Variants in NADK observed in about 807,000 individuals in gnomAD.
The protein encoded by NADK is poly(P)/ATP NAD kinase.
NADK carries 22 observed loss-of-function variants against 49.8 expected under a neutral mutation model. That is an observed-to-expected ratio of 0.44 (90% CI 0.32 to 0.63). The LOEUF is 0.63. Ranked by LOEUF, NADK falls within the 30% of genes least tolerant of loss-of-function variation. NADK has a pLI of 0.06. For missense variants in NADK, 438 were observed against 609.4 expected, an observed-to-expected ratio of 0.72 and a Z score of 2.96; for synonymous variants, 268 against 253.7, an observed-to-expected ratio of 1.06 and a Z score of -0.54.
chr1:1,752,690 C>A lies in NADK; in HGVS notation c.*214G>T. ...TCAGCAGGACAGAAGCACTCCCAGC[C>A]CATTTCTCACGCTTCTTTAGAAATG... On this transcript the variant is annotated 3_prime_UTR_variant, in exon 12 of 12. Coordinates refer to ENST00000341426, the MANE Select transcript of NADK (RefSeq NM_023018.5). 1.7e-6 allele frequency: 1 copy of A among 573,014 alleles called. No individual in the cohort carries two copies. Among genetic ancestry groups the A allele is most frequent in the Non-Finnish European group, 3.0e-6 (1 of 337,112 alleles). The allele number at this position is 573,014 out of a possible 1,614,324, so 35.5% of individuals were successfully genotyped here.
intron 6 of NADK, 131 bp downstream of exon 6, chr1:1,756,127 A>G: frequency 3.5e-6 from 3 of 853,468 alleles, no homozygotes; most frequent in South Asian, 1.4e-5. Flanking sequence ...CATGGGCCTC[A>G]GTGCTGGCCG....
At chr1:1,763,261 G>A (rs566819833) in intron 2 of NADK, among the ~76,000 whole-genome samples, 229 of 152,330 alleles carry the variant, frequency 1.5e-3, no homozygotes, top group African/African-American at 5.4e-3. Context: ...AAGGCAGGCG[G>A]ATCACGAGGC....
Position 1,769,661 on chromosome 1 carries a change from G to A in NADK, c.-40-4215C>T, listed in dbSNP as rs559643493. 3.3e-5 allele frequency among the ~76,000 whole-genome samples: 5 copies of A among 152,134 alleles called. No individual in the cohort carries two copies. In the South Asian group the frequency reaches 1.0e-3, roughly 32 times the overall value. On this transcript the variant is annotated intron_variant, in intron 1 of 11. Coordinates refer to ENST00000341426, the MANE Select transcript of NADK (RefSeq NM_023018.5). ...GAGAATTCCTTGAACCTGGGAGGCAGAGGCTGCAGTGAGCTGAGATCGTGC... is the reference window on the plus strand; with the variant it reads ...GAGAATTCCTTGAACCTGGGAGGCAAAGGCTGCAGTGAGCTGAGATCGTGC...
chr1:1,773,096 G>T (rs1646099617), intron 1 of NADK, among the ~76,000 whole-genome samples: 1 of 151,282 alleles, frequency 6.6e-6, no homozygotes, highest in African/African-American at 2.4e-5. Flanking sequence ...GGGCACAGGG[G>T]TCTCTCTGTA....
Position 1,768,396 on chromosome 1 carries a change from C to A in NADK, c.-40-2950G>T, listed in dbSNP as rs376122976. Among the ~76,000 whole-genome samples the A allele has an allele frequency of 6.0e-4, 92 of 152,092 alleles. 2 individuals carry two copies. The highest frequency in any genetic ancestry group is 8.9e-4 in the African/African-American group (37 of 41,490). ...CTACAAAACAAAAACAAAAACAAAA[C>A]CAAAACAAAAACAGTTGGACACAGT... On this transcript the variant is annotated intron_variant, in intron 1 of 11. Coordinates refer to ENST00000341426, the MANE Select transcript of NADK (RefSeq NM_023018.5).
chr1:1,763,389 T>G (rs1645788319), intron 2 of NADK, among the ~76,000 whole-genome samples: 1 of 151,842 alleles, frequency 6.6e-6, no homozygotes, highest in South Asian at 2.1e-4. Context: ...GAGGCTGAGG[T>G]GGGCGGATCA....
Position 1,765,257 on chromosome 1 carries a change from C to T in NADK, c.150G>A (p.Ser50=), listed in dbSNP as rs1000917527. 41 of 1,611,148 alleles carry T rather than the reference C, an allele frequency of 2.5e-5. No individual in the cohort carries two copies. The highest frequency in any genetic ancestry group is 4.5e-5 in the East Asian group (2 of 44,736). The change falls in exon 2 of 12, where the codon TCG becomes TCA. Residue 50 remains serine, a synonymous_variant. Transcript: ENST00000341426. ...GRAKSRSLSA[S]PALGSTKEFR... ...ACTCCTTGGTGCTCCCCAGGGCGGG[C>T]GAGGCAGACAGGCTGCGAGACTTGG...
chr1:1,779,359 C>A (rs1646307144), upstream of NADK, among the ~76,000 whole-genome samples: 1 of 152,204 alleles, frequency 6.6e-6, no homozygotes, highest in Non-Finnish European at 1.5e-5. Flanking sequence ...TCATCAGCGC[C>A]TTCAGGCCTC....
intron 7 of NADK, 71 bp downstream of exon 7, chr1:1,755,303 C>T (rs894066870): frequency 6.6e-6 from 7 of 1,062,368 alleles, no homozygotes; most frequent in South Asian, 1.3e-5. Context: ...TGAAAATAAA[C>T]CCCCCGCAAG....
At position 1,754,806 on chromosome 1, in the gene NADK, T is replaced by C. The variant is rs1645458192; in HGVS notation, c.689-108A>G. 2 of 1,025,616 alleles carry C rather than the reference T, an allele frequency of 2.0e-6. No homozygotes were observed. The highest frequency in any genetic ancestry group is 2.8e-6 in the Non-Finnish European group (2 of 701,834). 63.5% of individuals were successfully genotyped at this position (1,025,616 alleles called of 1,614,324 possible). ...TCAGAGGGCTCTTTCTTCTCCCAAG[T>C]TGACACACTTCTGTGCCTTTTTCTT... is the stretch of plus-strand genomic sequence containing the variant. On this transcript the variant is annotated intron_variant, in intron 7 of 11. Transcript: ENST00000341426. The surrounding 1 kb of genome is among the most constrained non-coding windows in gnomAD (Gnocchi z 4.3).
Position 1,760,698 on chromosome 1 carries a change from GCA to G in NADK, c.263+1252_263+1253del, listed in dbSNP as rs932601664. On this transcript the variant is annotated intron_variant, in intron 3 of 11. Transcript: ENST00000341426. ...GGAGGCCCTGAAGAGAGCCCGTTCTGCACAGAGGAAGAGAGCCCGTTCTGCAC... is the reference window on the plus strand; with the variant it reads ...GGAGGCCCTGAAGAGAGCCCGTTCTGCAGAGGAAGAGAGCCCGTTCTGCAC... Among the ~76,000 whole-genome samples the G allele has an allele frequency of 4.0e-4, 60 of 150,702 alleles. 1 individual carries two copies. The highest frequency in any genetic ancestry group is 1.2e-3 in the African/African-American group (49 of 40,414).
chr1:1,755,108 C>T lies in NADK; in HGVS notation c.688+266G>A, dbSNP rs183944146. 2.2e-4 allele frequency among the ~76,000 whole-genome samples: 34 copies of T among 152,282 alleles called. No individual in the cohort carries two copies. In the East Asian group the frequency reaches 5.0e-3, roughly 23 times the overall value. ...TGCTGGGATGACAGGCGTGAGCCACCGCGCCCGGCCGACACTTCTGTGCCT... is the reference window on the plus strand; with the variant it reads ...TGCTGGGATGACAGGCGTGAGCCACTGCGCCCGGCCGACACTTCTGTGCCT... On this transcript the variant is annotated intron_variant, in intron 7 of 11. Transcript: ENST00000341426.
intron 2 of NADK, among the ~76,000 whole-genome samples, chr1:1,762,900 G>A (rs1419644527): frequency 6.6e-6 from 1 of 152,226 alleles, no homozygotes; most frequent in African/African-American, 2.4e-5. Flanking sequence ...ACGCGTCCTG[G>A]GGAGAATGCT....
In NADK at chr1:1,774,260, C is replaced by T. The variant is rs76093915; in HGVS notation, c.-41+4029G>A. 8.8e-3 allele frequency among the ~76,000 whole-genome samples: 1,339 copies of T among 151,798 alleles called. 23 individuals are homozygous for T. The highest frequency in any genetic ancestry group is 0.03 in the African/African-American group (1,259 of 41,396). ...TTTTTGTTTTTTTGAGATGGAGCTT[C>T]GCTGATGTTGTCCAGGCTGGAGTGC... On this transcript the variant is annotated intron_variant, in intron 1 of 11. Coordinates refer to ENST00000341426, the MANE Select transcript of NADK (RefSeq NM_023018.5).
At chr1:1,771,055 A>AAAAAT (rs771570019) in intron 1 of NADK, among the ~76,000 whole-genome samples, 2 of 132,094 alleles carry the variant, frequency 1.5e-5, no homozygotes, top group African/African-American at 5.6e-5. Flanking sequence ...AAAAAAAAAA[A>AAAAAT]ATATATATAT....
chr1:1,757,336 C>A, intron 3 of NADK, 26 bp from the exon 4 acceptor site: 1 of 1,582,104 alleles, frequency 6.3e-7, no homozygotes, highest in South Asian at 1.1e-5. Context: ...AAAGAGTTCA[C>A]ACCAGCTGCG....
intron 3 of NADK, chr1:1,759,912 C>T (rs1645663283): frequency 6.4e-7 from 1 of 1,550,448 alleles, no homozygotes; most frequent in Non-Finnish European, 8.7e-7. Flanking sequence ...TCTGCCAGGA[C>T]CAGGAAGTGC....
At chr1:1,768,676 C>T (rs934159184) in intron 1 of NADK, among the ~76,000 whole-genome samples, 5 of 152,190 alleles carry the variant, frequency 3.3e-5, no homozygotes, top group Admixed American at 6.5e-5. Flanking sequence ...AGAGTCTTTA[C>T]GATGAACCAA....
chr1:1,756,854 TG>T, intron 4 of NADK: 1 of 829,036 alleles, frequency 1.2e-6, no homozygotes. Flanking sequence ...GTGGCTTTCC[TG>T]GGCGCCGCAA....
Sources: gnomAD v4.1 joint callset for allele counts (sites outside exome capture counted in the v4.1 genomes callset) on GRCh38, gnomAD v4.1.1 for gene constraint, Gnocchi (gnomAD v3.1) non-coding constraint, MANE v1.5 for transcripts, NCBI Gene and HGNC (gene_info 2026-07-23, HGNC 2026-07-21) for gene names.